The following CHSY1 variants were observed in gnomAD, a reference collection of about 807,000 sequenced individuals.
CHSY1 encodes the protein chondroitin sulfate synthase 1, also known as N-acetylgalactosaminyl-proteoglycan 3-beta-glucuronosyltransferase 1.
Under a neutral mutation model 59.8 loss-of-function variants are expected in CHSY1, and 13 were observed. The observed-to-expected ratio is 0.22, with a 90% confidence interval of 0.14 to 0.35. CHSY1 has a LOEUF of 0.35. Among genes scored for constraint, CHSY1 ranks in the 10% least tolerant of loss-of-function variants. The pLI is 1.00. For missense variants in CHSY1, 947 were observed against 1,030.6 expected (o/e 0.92, Z 1.11); for synonymous variants, 459 against 401.2 (o/e 1.14, Z -1.72).
rs1488338499 is a variant in CHSY1 at position 101,177,756 on chromosome 15, A to C, written c.2041T>G (p.Phe681Val). ...CTCCAGAAGCCAGTTTTCTGAGTAA[A>C]GGCAAAATGGTTGTCACTGGGAACT... Reference protein sequence around the residue: ...GKVPSDNHFAFTQKTGFWRNY... With the variant: ...GKVPSDNHFAVTQKTGFWRNY... Residue 681 changes from phenylalanine (F) to valine (V), a missense_variant, in exon 3 of 3, where the codon TTT (phenylalanine) becomes GTT (valine). Physicochemically the swap from Phe to Val is conservative, Grantham distance 50. Transcript: ENST00000254190. 4 of 1,614,244 alleles carry C rather than the reference A, an allele frequency of 2.5e-6. No homozygotes were observed. The East Asian group carries it at 6.7e-5, about 27-fold the overall frequency.
intron 2 of CHSY1, among the ~76,000 whole-genome samples, chr15:101,218,452 G>C (rs1317103476): frequency 6.6e-6 from 1 of 152,062 alleles, no homozygotes; most frequent in Non-Finnish European, 1.5e-5. Flanking sequence ...CAAAAAATTA[G>C]CCTGCTGTGG....
At chr15:101,230,188 C>T (rs2038879505) in intron 2 of CHSY1, among the ~76,000 whole-genome samples, 1 of 152,088 alleles carries the variant, frequency 6.6e-6, no homozygotes, top group South Asian at 2.1e-4. Flanking sequence ...GTGATCCACC[C>T]ACCCTGGCCT....
intron 2 of CHSY1, among the ~76,000 whole-genome samples, chr15:101,231,824 A>G (rs1177762510): frequency 6.6e-6 from 1 of 152,232 alleles, no homozygotes; most frequent in Admixed American, 6.5e-5. Flanking sequence ...GCCTTGATAA[A>G]ATGAATTCCT....
At chr15:101,219,983 A>G (rs1202213976) in intron 2 of CHSY1, among the ~76,000 whole-genome samples, 1 of 152,090 alleles carries the variant, frequency 6.6e-6, no homozygotes, top group African/African-American at 2.4e-5. Context: ...TCAACTCCTG[A>G]CCTCAGGGGA....
chr15:101,195,154 C>T (rs139351300), intron 2 of CHSY1, among the ~76,000 whole-genome samples: 4 of 152,164 alleles, frequency 2.6e-5, no homozygotes, highest in East Asian at 1.9e-4. Flanking sequence ...ATTCTGGAAA[C>T]GGGAGGAATC....
At chr15:101,182,698 T>C (rs1377749790) in intron 2 of CHSY1, among the ~76,000 whole-genome samples, 1 of 152,170 alleles carries the variant, frequency 6.6e-6, no homozygotes, top group East Asian at 1.9e-4. Context: ...AAGAGTCTTT[T>C]GGATCAATTG....
chr15:101,197,605 T>C (rs1300774151), intron 2 of CHSY1, among the ~76,000 whole-genome samples: 1 of 152,214 alleles, frequency 6.6e-6, no homozygotes, highest in Admixed American at 6.5e-5. Context: ...ATTTATATAA[T>C]GTTAAATTAT....
At chr15:101,210,785 TA>T (rs1366777357) in intron 2 of CHSY1, among the ~76,000 whole-genome samples, 1 of 152,190 alleles carries the variant, frequency 6.6e-6, no homozygotes, top group Non-Finnish European at 1.5e-5. Context: ...CAGTTTTTTT[TA>T]AATACAATGT....
chr15:101,195,164 C>T (rs2038491222), intron 2 of CHSY1, among the ~76,000 whole-genome samples: 1 of 152,146 alleles, frequency 6.6e-6, no homozygotes, highest in Non-Finnish European at 1.5e-5. Flanking sequence ...CGGGAGGAAT[C>T]ACTCATAATC....
At chr15:101,183,322 A>T (rs1453239556) in intron 2 of CHSY1, among the ~76,000 whole-genome samples, 1 of 152,244 alleles carries the variant, frequency 6.6e-6, no homozygotes, top group Non-Finnish European at 1.5e-5. Context: ...TATAAAAACT[A>T]CAGGAAAAAG....
intron 2 of CHSY1, among the ~76,000 whole-genome samples, chr15:101,202,106 G>A (rs2038579842): frequency 6.6e-6 from 1 of 152,206 alleles, no homozygotes. Context: ...AGGAGGGGCA[G>A]TGGGATGTCA....
chr15:101,223,017 CAG>C (rs1177693735), intron 2 of CHSY1, among the ~76,000 whole-genome samples: 1 of 152,198 alleles, frequency 6.6e-6, no homozygotes, highest in Non-Finnish European at 1.5e-5. Flanking sequence ...TTATTTGAGA[CAG>C]AGTTTTGCTC....
Position 101,177,438 on chromosome 15 carries a change from G to T in CHSY1, c.2359C>A (p.Pro787Thr). Residue 787 changes from proline (P) to threonine (T), a missense_variant, in exon 3 of 3, where the codon CCA becomes ACA. Physicochemically the swap from Pro to Thr is conservative, Grantham distance 38. Coordinates refer to ENST00000254190, the MANE Select transcript of CHSY1 (RefSeq NM_014918.5). ...TTATTGCTGCTTTTACTGTAACTTG[G>T]ATCATTTTTTTCCAGCCACATCTCA... is the stretch of plus-strand genomic sequence containing the variant. ...LAEMWLEKND[P>T]SYSKSSNNNG... is the part of the protein sequence containing the mutation. The T allele has an allele frequency of 1.2e-6, 2 of 1,613,614 alleles. No individual in the cohort carries two copies. Among genetic ancestry groups the T allele is most frequent in the Non-Finnish European group, 1.7e-6 (2 of 1,179,880 alleles).
At chr15:101,215,079 G>T (rs567477117) in intron 2 of CHSY1, among the ~76,000 whole-genome samples, 111 of 152,260 alleles carry the variant, frequency 7.3e-4, no homozygotes, top group African/African-American at 2.4e-3. Context: ...ATGATTGTAA[G>T]TTTCCTGAGT....
intron 1 of CHSY1, among the ~76,000 whole-genome samples, chr15:101,239,827 G>A (rs1363872870): frequency 6.6e-6 from 1 of 151,002 alleles, no homozygotes; most frequent in African/African-American, 2.4e-5. Flanking sequence ...GGTAGAGCAC[G>A]AGAAACTTCC....
intron 2 of CHSY1, among the ~76,000 whole-genome samples, chr15:101,185,788 T>C (rs1227616507): frequency 6.6e-6 from 1 of 151,644 alleles, no homozygotes; most frequent in African/African-American, 2.4e-5. Context: ...CTTTCATTTT[T>C]CTTTGAGGAT....
At chr15:101,225,397 C>T (rs1480408067) in intron 2 of CHSY1, among the ~76,000 whole-genome samples, 1 of 152,160 alleles carries the variant, frequency 6.6e-6, no homozygotes, top group East Asian at 1.9e-4. Context: ...TATTGATATA[C>T]GTTTTAAAAG....
At position 101,235,365 on chromosome 15, in the gene CHSY1, C is replaced by T. The variant is rs1311278132; in HGVS notation, c.533G>A (p.Gly178Glu). 5 of 1,614,060 alleles carry T rather than the reference C, an allele frequency of 3.1e-6. No individual in the cohort carries two copies. Among genetic ancestry groups the T allele is most frequent in the African/African-American group, 1.3e-5 (1 of 74,912 alleles). The change falls in exon 2 of 3, where the codon GGA becomes GAA. Residue 178 changes from glycine (G) to glutamate (E), a missense_variant. Transcript: ENST00000254190. ...CCTCAGGAAGTTCTCCAGACGGTCT[C>T]CTTTGATGTACACGTCATCATCTGC... The part of the protein sequence containing the change: ...MRADDDVYIK[G>E]DRLENFLRSL...
At position 101,251,283 on chromosome 15, in the gene CHSY1, G is replaced by T; in HGVS notation, c.174C>A (p.Ala58=). Residue 58 remains alanine, a synonymous_variant, in exon 1 of 3, where the codon GCC becomes GCA. Transcript: ENST00000254190. ...CRSGQAAASQ[A]GGARGDARGA... Reference sequence around the variant, plus strand: ...CGCGCGCATCGCCGCGCGCCCCGCCGGCCTGGGAAGCCGCCGCCTGCCCGG... The same window carrying T: ...CGCGCGCATCGCCGCGCGCCCCGCCTGCCTGGGAAGCCGCCGCCTGCCCGG... The T allele has an allele frequency of 7.9e-7, 1 of 1,260,092 alleles. No individual in the cohort carries two copies. The highest frequency in any genetic ancestry group is 9.9e-7 in the Non-Finnish European group (1 of 1,006,698). The allele number at this position is 1,260,092 out of a possible 1,614,324, so 78.1% of individuals were successfully genotyped here.
Sources: gnomAD v4.1 joint callset for allele counts (sites outside exome capture counted in the v4.1 genomes callset) on GRCh38, gnomAD v4.1.1 for gene constraint, MANE v1.5 for transcripts, NCBI Gene and HGNC (gene_info 2026-07-23, HGNC 2026-07-21) for gene names.